The following AGAP4 variants were observed in gnomAD, a reference collection of about 807,000 sequenced individuals.
The protein encoded by AGAP4 is arf-GAP with GTPase, ANK repeat and PH domain-containing protein 4.
In AGAP4, 13 loss-of-function variants were observed where a neutral mutation model predicts 60.7. The observed-to-expected ratio is 0.21, with a 90% CI of 0.14 to 0.34. The LOEUF is 0.34. Ranked by LOEUF, AGAP4 falls within the 10% of genes least tolerant of loss-of-function variation. The probability of loss-of-function intolerance (pLI) is 1.00; values close to 1 mark genes in which losing one functional copy is unlikely to be tolerated. For missense variants in AGAP4, 169 were observed against 884.0 expected, an observed-to-expected ratio of 0.19 and a Z score of 10.26; for synonymous variants, 70 against 339.0, an observed-to-expected ratio of 0.21 and a Z score of 8.72.
intron 4 of AGAP4, among the ~76,000 whole-genome samples, chr10:45,837,067 A>C (rs1194033527): frequency 0.016 from 2,157 of 136,562 alleles, 20 homozygotes; most frequent in African/African-American, 0.055. Flanking sequence ...GGATTTCACC[A>C]TGTTGGCCAG....
chr10:45,830,124 A>G (rs1381464920), intron 6 of AGAP4, among the ~76,000 whole-genome samples: 5 of 149,270 alleles, frequency 3.3e-5, no homozygotes, highest in African/African-American at 1.2e-4. Flanking sequence ...CTTTAAAAAT[A>G]CACCTTCTAC....
intron 3 of AGAP4, among the ~76,000 whole-genome samples, chr10:45,843,175 T>C (rs2135957990): frequency 8.4e-6 from 1 of 118,536 alleles, no homozygotes; most frequent in African/African-American, 3.6e-5. Flanking sequence ...TGCCCACCTA[T>C]AGTCCCAACT....
intron 1 of AGAP4, chr10:45,853,603 C>A: frequency 7.8e-7 from 1 of 1,280,798 alleles, no homozygotes; most frequent in Non-Finnish European, 1.0e-6. Context: ...TACACACAGG[C>A]AGCGATAAAG....
upstream of AGAP4, chr10:45,854,044 T>A (rs2059113125): frequency 5.2e-6 from 2 of 387,462 alleles, no homozygotes; most frequent in African/African-American, 4.2e-5. Context: ...TATTATCACA[T>A]ATCAGCAGGG....
In AGAP4 at chr10:45,831,443, A is replaced by C. The variant is rs1396235020; in HGVS notation, c.498-14T>G. 12 of 1,588,454 alleles carry C rather than the reference A, an allele frequency of 7.6e-6. No individual in the cohort carries two copies. Among genetic ancestry groups the C allele is most frequent in the Non-Finnish European group, 1.0e-5 (12 of 1,171,922 alleles). ...TCCAAGGTCACACTGTGGAAGGAAA[A>C]AAATTCATAACAATAGATGTTAACA... On this transcript the variant is annotated splice_polypyrimidine_tract_variant and intron_variant, in intron 5 of 7. Coordinates refer to ENST00000616763, the MANE Select transcript of AGAP4 (RefSeq NM_001276343.3).
chr10:45,848,114 A>C (rs1398894953), upstream of AGAP4, among the ~76,000 whole-genome samples: 1 of 149,130 alleles, frequency 6.7e-6, no homozygotes, highest in Non-Finnish European at 1.5e-5. Context: ...TTTTGTAACT[A>C]AACACTCCTC....
chr10:45,841,363 A>G (rs1289540590), intron 4 of AGAP4, among the ~76,000 whole-genome samples: 3 of 148,098 alleles, frequency 2.0e-5, no homozygotes, highest in African/African-American at 7.4e-5. Context: ...CGGCCTCCTA[A>G]AGTGTTGTGA....
At chr10:45,848,641 T>G (rs2059037836), upstream of AGAP4, among the ~76,000 whole-genome samples, 1 of 152,090 alleles carries the variant, frequency 6.6e-6, no homozygotes, top group Non-Finnish European at 1.5e-5. Context: ...CATAGTTTGA[T>G]CCCAGCTAGT....
intron 5 of AGAP4, among the ~76,000 whole-genome samples, chr10:45,832,543 C>T (rs1590020000): frequency 6.9e-6 from 1 of 143,966 alleles, no homozygotes; most frequent in African/African-American, 2.6e-5. Context: ...CAGGTGATTT[C>T]AATCAGCAGC....
chr10:45,839,895 T>A (rs1220310600), intron 4 of AGAP4, among the ~76,000 whole-genome samples: 1 of 145,764 alleles, frequency 6.9e-6, no homozygotes, highest in African/African-American at 2.6e-5. Flanking sequence ...TAGTAGAGGA[T>A]AAAGTCACAG....
chr10:45,837,713 T>G (rs2058845448), intron 4 of AGAP4, among the ~76,000 whole-genome samples: 2 of 151,368 alleles, frequency 1.3e-5, no homozygotes, highest in African/African-American at 4.8e-5. Flanking sequence ...TACACAAAAA[T>G]CAACTCAAGA....
Position 45,847,198 on chromosome 10 carries a change from C to T in AGAP4, c.150G>A (p.Gln50=). 2 of 1,600,956 alleles carry T rather than the reference C, an allele frequency of 1.2e-6. No homozygotes were observed. The highest frequency in any genetic ancestry group is 4.5e-5 in the East Asian group (2 of 44,830). Residue 50 remains glutamine, a synonymous_variant, in exon 1 of 8, where the codon CAG becomes CAA. Coordinates refer to ENST00000616763, the MANE Select transcript of AGAP4 (RefSeq NM_001276343.3). ...MAGAPMAAAV[Q]PAEVTVEVGE... is the part of the protein sequence containing the mutation. ...CAACTTCAACAGTCACCTCAGCAGG[C>T]TGTACAGCAGCAGCCATGGGCGCTC...
intron 4 of AGAP4, chr10:45,841,420 A>G (rs1478374629): frequency 2.4e-6 from 1 of 423,874 alleles, no homozygotes; most frequent in Non-Finnish European, 4.3e-6. Flanking sequence ...GATCTTTTGA[A>G]CCGGACTATT....
upstream of AGAP4, among the ~76,000 whole-genome samples, chr10:45,851,887 ATCT>A (rs2059087757): frequency 6.7e-6 from 1 of 149,716 alleles, no homozygotes; most frequent in Non-Finnish European, 1.5e-5. Flanking sequence ...TTAGGAAAAG[ATCT>A]TTTGATGACC....
At chr10:45,844,484 T>G in intron 2 of AGAP4, 90 bp from the exon 3 acceptor site, 1 of 1,573,384 alleles carries the variant, frequency 6.4e-7, no homozygotes, top group South Asian at 1.1e-5. Context: ...TTTAGGCTAT[T>G]TCACTATCTC....
upstream of AGAP4, among the ~76,000 whole-genome samples, chr10:45,851,581 C>T (rs1424654412): frequency 8.6e-5 from 13 of 151,112 alleles, no homozygotes; most frequent in African/African-American, 2.9e-4. Flanking sequence ...GGCTTCTCTT[C>T]CCAAGTATTT....
chr10:45,845,888 G>A (rs2058990538), intron 2 of AGAP4, among the ~76,000 whole-genome samples: 1 of 89,914 alleles, frequency 1.1e-5, no homozygotes, highest in Non-Finnish European at 2.3e-5. Flanking sequence ...GATTACAGGC[G>A]TGAGCCACCA....
In AGAP4 at chr10:45,841,707, A is replaced by C. The variant is rs2135954716; in HGVS notation, c.362-20T>G. ...CTACAACTAAGAATAAAAAAAAAAA[A>C]ACTGGTCACTTCTGATACAAATACC... On this transcript the variant is annotated intron_variant, in intron 3 of 7. Transcript: ENST00000616763. 2 of 779,242 alleles carry C rather than the reference A, an allele frequency of 2.6e-6. No individual in the cohort carries two copies. Among genetic ancestry groups the C allele is most frequent in the South Asian group, 3.8e-5 (2 of 52,552 alleles). 48.3% of individuals were successfully genotyped at this position (779,242 alleles called of 1,614,324 possible).
Position 45,846,688 on chromosome 10 carries a change from A to G in AGAP4, c.291T>C (p.Asp97=). 1.8e-6 allele frequency: 2 copies of G among 1,128,078 alleles called. No homozygotes were observed. The highest frequency in any genetic ancestry group is 2.4e-6 in the Non-Finnish European group (2 of 818,938). 69.9% of individuals were successfully genotyped at this position (1,128,078 alleles called of 1,614,324 possible). The change falls in exon 2 of 8, where the codon GAT becomes GAC. Residue 97 remains aspartate, a splice_region_variant and synonymous_variant. Transcript: ENST00000616763. The part of the protein sequence containing the change: ...STIFQRNSQT[D]ALEFNPSANP... ...GAGCTACAGACACTGTTGTCTCACC[A>G]TCTGTTTGAGAGTTCCTCTGGAATA...
Sources: gnomAD v4.1 joint callset for allele counts (sites outside exome capture counted in the v4.1 genomes callset) on GRCh38, gnomAD v4.1.1 for gene constraint, MANE v1.5 for transcripts, NCBI Gene and HGNC (gene_info 2026-07-23, HGNC 2026-07-21) for gene names.